The following DENND2B variants were observed in gnomAD, a reference collection of about 807,000 sequenced individuals.
DENND2B encodes DENN domain-containing protein 2B.
In DENND2B, 32 loss-of-function variants were observed where a neutral mutation model predicts 116.0. The observed-to-expected ratio is 0.28, with a 90% CI of 0.21 to 0.37. The LOEUF (loss-of-function observed/expected upper bound fraction) is 0.37, where lower values mean the gene tolerates loss of function less well. Among genes scored for constraint, DENND2B ranks in the 10% least tolerant of loss-of-function variants. The pLI, the probability that DENND2B is intolerant of heterozygous loss-of-function variation, is 1.00. For missense variants in DENND2B, 1,276 were observed against 1,477.7 expected (o/e 0.86, Z 2.24); for synonymous variants, 588 against 583.9 (o/e 1.01, Z -0.10).
rs1451345995 is a variant in DENND2B, at chr11:8,713,981, T to C, written c.1987+17A>G. On this transcript the variant is annotated intron_variant, in intron 8 of 19. Transcript: ENST00000313726. ...CCTGCTGGGAGAGCTTCCGTACTCA[T>C]GGGAGCTGTGCCTCACCTTTGAACC... is the stretch of plus-strand genomic sequence containing the variant. 2 of 1,613,906 alleles carry C rather than the reference T, an allele frequency of 1.2e-6. No individual in the cohort carries two copies. The highest frequency in any genetic ancestry group is 1.1e-5 in the South Asian group (1 of 91,082).
rs116929129 is a variant in DENND2B, at chr11:8,759,446, G to A, written c.-25-8721C>T. On this transcript the variant is annotated intron_variant, in intron 1 of 19. Transcript: ENST00000313726. Reference sequence around the variant, plus strand: ...TTGCCCAGCACTCTGCTTTATAGCCGAGGTAAGAAGTCAAGATGCCCGAAA... The same window carrying A: ...TTGCCCAGCACTCTGCTTTATAGCCAAGGTAAGAAGTCAAGATGCCCGAAA... Among the ~76,000 whole-genome samples, 75 of 152,152 alleles carry A rather than the reference G, an allele frequency of 4.9e-4. 1 individual carries two copies. The East Asian group carries it at 0.013, about 27-fold the overall frequency.
intron 1 of DENND2B, among the ~76,000 whole-genome samples, chr11:8,908,016 T>A (rs1470713025): frequency 6.6e-6 from 1 of 152,212 alleles, no homozygotes; most frequent in African/African-American, 2.4e-5. Context: ...TTATGTGGGC[T>A]AACAGAAGTC....
chr11:8,769,101 T>A (rs1159724112), intron 1 of DENND2B, among the ~76,000 whole-genome samples: 4 of 151,840 alleles, frequency 2.6e-5, no homozygotes, highest in African/African-American at 9.7e-5. Flanking sequence ...CCCCTTCATC[T>A]CCCTTATCAC....
chr11:8,884,311 CCTTT>C (rs747245663), intron 1 of DENND2B, among the ~76,000 whole-genome samples: 3 of 151,582 alleles, frequency 2.0e-5, no homozygotes, highest in South Asian at 2.1e-4. Context: ...CTTCGGACTT[CCTTT>C]GTTTTTTTGT....
At chr11:8,811,123 G>A (rs534927214), upstream of DENND2B, 33 of 393,938 alleles carry the variant, frequency 8.4e-5, no homozygotes, top group East Asian at 7.9e-4. Flanking sequence ...CCTGGAGCTC[G>A]GGTAGGAGGG....
intron 1 of DENND2B, among the ~76,000 whole-genome samples, chr11:8,803,548 C>A (rs1426388881): frequency 6.6e-6 from 1 of 152,168 alleles, no homozygotes; most frequent in African/African-American, 2.4e-5. Flanking sequence ...GACTACCTGG[C>A]TGGGACTTTC....
chr11:8,697,705 T>G, intron 16 of DENND2B, 69 bp from the exon 17 acceptor site: 3 of 1,012,716 alleles, frequency 3.0e-6, no homozygotes, highest in Non-Finnish European at 4.7e-6. Flanking sequence ...CTAAGACCTG[T>G]TAGAAGAGCG....
chr11:8,776,148 A>ATG (rs2057636508), intron 1 of DENND2B: 2 of 189,474 alleles, frequency 1.1e-5, no homozygotes, highest in Non-Finnish European at 2.3e-5. Flanking sequence ...ACGTGCGCGC[A>ATG]CGCGCGCGCG....
At chr11:8,891,887 G>A (rs148383123) in intron 1 of DENND2B, among the ~76,000 whole-genome samples, 8,836 of 152,102 alleles carry the variant, frequency 0.058, 373 homozygotes, top group African/African-American at 0.12. Context: ...TGCACCAAGC[G>A]GACCTAATAG....
At chr11:8,789,977 T>G (rs2059240856) in intron 1 of DENND2B, among the ~76,000 whole-genome samples, 1 of 152,088 alleles carries the variant, frequency 6.6e-6, no homozygotes, top group Non-Finnish European at 1.5e-5. Flanking sequence ...AGGACACTGG[T>G]AAATCCAGCC....
intron 2 of DENND2B, among the ~76,000 whole-genome samples, chr11:8,745,407 G>C (rs2051056443): frequency 6.6e-6 from 1 of 152,178 alleles, no homozygotes; most frequent in African/African-American, 2.4e-5. Context: ...ACTTCAAGCT[G>C]ATGCCATGAA....
At chr11:8,879,503 G>C (rs2063879624) in intron 2 of DENND2B, among the ~76,000 whole-genome samples, 1 of 152,198 alleles carries the variant, frequency 6.6e-6, no homozygotes, top group African/African-American at 2.4e-5. Context: ...GAAGGATGTG[G>C]AGAGACAATA....
At chr11:8,884,063 A>T (rs1176308583) in intron 1 of DENND2B, among the ~76,000 whole-genome samples, 1 of 152,180 alleles carries the variant, frequency 6.6e-6, no homozygotes, top group African/African-American at 2.4e-5. Context: ...ATAGAGATAC[A>T]GTTCCATCTC....
chr11:8,696,207 T>A (rs145964613), intron 18 of DENND2B, among the ~76,000 whole-genome samples: 26 of 152,236 alleles, frequency 1.7e-4, no homozygotes, highest in Non-Finnish European at 3.4e-4. Context: ...TGGAGATGAG[T>A]CCTACCTCTA....
intron 2 of DENND2B, among the ~76,000 whole-genome samples, chr11:8,868,403 AC>A (rs2063660373): frequency 1.3e-5 from 2 of 152,216 alleles, no homozygotes. Flanking sequence ...AACAATGTCT[AC>A]AGGATAAAGT....
intron 1 of DENND2B, among the ~76,000 whole-genome samples, chr11:8,887,801 C>A (rs368214648): frequency 6.6e-6 from 1 of 152,166 alleles, no homozygotes; most frequent in Non-Finnish European, 1.5e-5. Context: ...TATCCTTTAG[C>A]CAAGGCACCT....
chr11:8,729,992 C>T lies in DENND2B; in HGVS notation c.1298G>A (p.Arg433Lys). 1 of 1,614,132 alleles carries T rather than the reference C, an allele frequency of 6.2e-7. No homozygotes were observed. The highest frequency in any genetic ancestry group is 8.5e-7 in the Non-Finnish European group (1 of 1,180,014). The stretch of plus-strand genomic sequence containing the variant: ...GTGACCACGCATGTCCTTCTTGGGT[C>T]TCCGGGTGACTGGCGGGGCTGGGGT... Reference protein sequence around the residue: ...PSTPAPPVTRRPKKDMRGHRK... With the variant: ...PSTPAPPVTRKPKKDMRGHRK... Residue 433 changes from arginine (R) to lysine (K), a missense_variant, in exon 3 of 20, where the codon AGA (arginine) becomes AAA (lysine). Physicochemically the swap from Arg to Lys is conservative, Grantham distance 26. Around this residue, in one of 2 missense-constraint regions of DENND2B, gnomAD observed 856 missense variants for 846.6 expected, o/e 1.01. Transcript: ENST00000313726.
intron 16 of DENND2B, 167 bp from the exon 17 acceptor site, chr11:8,697,803 G>C: frequency 1.6e-6 from 1 of 626,484 alleles, no homozygotes; most frequent in South Asian, 1.8e-5. Flanking sequence ...GCACAGAAAG[G>C]TTAAGAAACT....
chr11:8,880,393 C>G (rs1421249814), intron 2 of DENND2B, among the ~76,000 whole-genome samples: 2 of 114,096 alleles, frequency 1.8e-5, no homozygotes, highest in African/African-American at 6.1e-5. Flanking sequence ...GTAGTTTTTA[C>G]TACCAAATGT....
Sources: allele counts gnomAD v4.1 joint callset (sites outside exome capture counted in the v4.1 genomes callset), GRCh38; gene constraint gnomAD v4.1.1; regional missense constraint gnomAD v4.1.1; transcripts MANE v1.5; gene names NCBI Gene and HGNC (gene_info 2026-07-23, HGNC 2026-07-21).